The following OGDHL variants were observed in gnomAD, a reference collection of about 807,000 sequenced individuals.
The protein encoded by OGDHL is 2-oxoglutarate dehydrogenase-like, mitochondrial.
In OGDHL, 79 loss-of-function variants were observed where a neutral mutation model predicts 109.6. The ratio of observed to expected loss-of-function variants is 0.72; its 90% CI spans 0.60 to 0.87. The LOEUF (loss-of-function observed/expected upper bound fraction) is 0.87. Among genes scored for constraint, OGDHL ranks in the 40% least tolerant of loss-of-function variants. OGDHL has a pLI of 0.00. For synonymous variants in OGDHL, 528 were observed against 537.2 expected (o/e 0.98, Z 0.24); for missense variants, 1,275 against 1,362.2 (o/e 0.94, Z 1.01).
chr10:49,757,218 A>G (rs1842971218), intron 2 of OGDHL, among the ~76,000 whole-genome samples: 1 of 152,264 alleles, frequency 6.6e-6, no homozygotes, highest in South Asian at 2.1e-4. Flanking sequence ...AGTCTTTTAA[A>G]AAGGTGCTTT....
chr10:49,749,292 A>G (rs1460411724), intron 8 of OGDHL, among the ~76,000 whole-genome samples: 1 of 152,178 alleles, frequency 6.6e-6, no homozygotes, highest in Non-Finnish European at 1.5e-5. Flanking sequence ...GGGAGCAGGA[A>G]CAACATTTCC....
At chr10:49,745,202 TG>T in intron 12 of OGDHL, 141 bp downstream of exon 12, 1 of 1,053,016 alleles carries the variant, frequency 9.5e-7, no homozygotes, top group Non-Finnish European at 1.3e-6. Flanking sequence ...CTTTGGTAAC[TG>T]GGGCCTCTTG....
chr10:49,751,536 C>T (rs1842588345), intron 6 of OGDHL, among the ~76,000 whole-genome samples: 1 of 152,196 alleles, frequency 6.6e-6, no homozygotes, highest in South Asian at 2.1e-4. Context: ...TAATTTTCTG[C>T]CCAAATGTTC....
chr10:49,739,350 T>A (rs1219647655), intron 17 of OGDHL: 1 of 294,250 alleles, frequency 3.4e-6, no homozygotes, highest in East Asian at 6.4e-5. Context: ...TGTTTCCTCA[T>A]CTGAAAAGCA....
At chr10:49,739,997 T>C (rs1197411959) in intron 16 of OGDHL, among the ~76,000 whole-genome samples, 158 bp from the exon 17 acceptor site, 5 of 152,134 alleles carry the variant, frequency 3.3e-5, no homozygotes, top group Non-Finnish European at 5.9e-5. Context: ...AAGGGTACAA[T>C]GTACCATCCT....
At chr10:49,736,644 G>T in intron 20 of OGDHL, 124 bp from the exon 21 acceptor site, 1 of 1,015,348 alleles carries the variant, frequency 9.8e-7, no homozygotes, top group Non-Finnish European at 1.4e-6. Context: ...TGGACTTGTG[G>T]CTGCAGTGGA....
intron 3 of OGDHL, among the ~76,000 whole-genome samples, chr10:49,753,708 T>C (rs778205221): frequency 6.6e-6 from 1 of 151,990 alleles, no homozygotes; most frequent in Non-Finnish European, 1.5e-5. Flanking sequence ...CTGACCAACA[T>C]GGTGAAACCC....
rs1402782714 is a variant in OGDHL, at chr10:49,750,949, C to T, written c.786G>A (p.Glu262=). 1.2e-6 allele frequency: 2 copies of T among 1,609,610 alleles called. No individual in the cohort carries two copies. Among genetic ancestry groups the T allele is most frequent in the South Asian group, 2.2e-5 (2 of 90,342 alleles). The change falls in exon 7 of 23, where the codon GAG becomes GAA. Residue 262 remains glutamate, a synonymous_variant. Transcript: ENST00000374103. ...EDFLARKWSS[E]KRFGLEGCEV... ...CACAGCCCTCCAGGCCAAACCGCTT[C>T]TCTGAGGACCATTTCCGGGCCAGGA...
At chr10:49,760,627 G>A (rs1039949402) in intron 1 of OGDHL, among the ~76,000 whole-genome samples, 4 of 152,232 alleles carry the variant, frequency 2.6e-5, no homozygotes, top group Admixed American at 1.3e-4. Context: ...ACCGTCAGGA[G>A]CACTGATTCT....
intron 16 of OGDHL, 90 bp from the exon 17 acceptor site, chr10:49,739,929 A>C: frequency 1.5e-6 from 2 of 1,315,150 alleles, no homozygotes; most frequent in South Asian, 1.5e-5. Flanking sequence ...TATATCCTCC[A>C]TGCCCCCACC....
At chr10:49,747,890 A>T (rs1407294499) in intron 8 of OGDHL, among the ~76,000 whole-genome samples, 4 of 152,268 alleles carry the variant, frequency 2.6e-5, no homozygotes, top group Non-Finnish European at 5.9e-5. Context: ...GAATTTACAG[A>T]AAAATATGAA....
chr10:49,742,884 C>T lies in OGDHL; in HGVS notation c.1956G>A (p.Leu652=). 1.2e-6 allele frequency: 2 copies of T among 1,614,042 alleles called. No homozygotes were observed. The highest frequency in any genetic ancestry group is 1.7e-6 in the Non-Finnish European group (2 of 1,179,982). The part of the protein sequence containing the change: ...LAEYMAFGSL[L]KEGIHVRLSG... ...TGAGCCGCACGTGGATGCCTTCCTT[C>T]AGCAGGGAGCCAAAGGCCATGTACT... Residue 652 remains leucine (L), a synonymous_variant, in exon 15 of 23, where the codon CTG becomes CTA. Transcript: ENST00000374103.
At chr10:49,736,644 G>A in intron 20 of OGDHL, 124 bp from the exon 21 acceptor site, 1 of 1,015,352 alleles carries the variant, frequency 9.8e-7, no homozygotes, top group Admixed American at 2.7e-5. Context: ...TGGACTTGTG[G>A]CTGCAGTGGA....
At position 49,758,459 on chromosome 10, in the gene OGDHL, C is replaced by A. The variant is rs141422972; in HGVS notation, c.134G>T (p.Gly45Val). The change falls in exon 2 of 23, where the codon GGT (glycine) becomes GTT (valine). Residue 45 changes from glycine to valine, a missense_variant. By Grantham distance (109) the Gly-to-Val change is moderately radical. Coordinates refer to ENST00000374103, the MANE Select transcript of OGDHL (RefSeq NM_018245.3). ...GPPATFPSSKGGGGSSYMEEM... is the reference protein window; with the variant it reads ...GPPATFPSSKVGGGSSYMEEM... The stretch of plus-strand genomic sequence containing the variant: ...CTCCATGTAACTGGAGCCGCCTCCA[C>A]CTTTGCTGCTTGGGAAGGTGGCCGG... The A allele has an allele frequency of 2.5e-6, 4 of 1,613,850 alleles. No homozygotes were observed. The highest frequency in any genetic ancestry group is 3.4e-6 in the Non-Finnish European group (4 of 1,180,036).
chr10:49,749,822 G>A lies in OGDHL; in HGVS notation c.897-6C>T, dbSNP rs370020467. On this transcript the variant is annotated splice_polypyrimidine_tract_variant and splice_region_variant and intron_variant, in intron 7 of 22. Transcript: ENST00000374103. ...CCAGCACGTTCAGCCTTCCCCTGGA[G>A]CCAGAGGGGCCGGGCTCTCACCTGG... is the stretch of plus-strand genomic sequence containing the variant. The A allele has an allele frequency of 1.3e-5, 21 of 1,584,052 alleles. No homozygotes were observed. The highest frequency in any genetic ancestry group is 1.8e-5 in the Non-Finnish European group (21 of 1,169,420).
intron 16 of OGDHL, among the ~76,000 whole-genome samples, chr10:49,740,136 G>A (rs1458971814): frequency 6.6e-6 from 1 of 152,158 alleles, no homozygotes. Context: ...AAAACATGCA[G>A]AGCTGCTAAG....
Position 49,735,120 on chromosome 10 carries a change from G to A in OGDHL, c.*108C>T. 2.0e-6 allele frequency: 3 copies of A among 1,472,286 alleles called. No individual in the cohort carries two copies. The highest frequency in any genetic ancestry group is 2.7e-6 in the Non-Finnish European group (3 of 1,094,832). 91.2% of individuals were successfully genotyped at this position (1,472,286 alleles called of 1,614,324 possible). On this transcript the variant is annotated 3_prime_UTR_variant, in exon 23 of 23. Transcript: ENST00000374103. ...CCTGTCACTGTGTCTGTTTTATCCT[G>A]GGGCCCCACAGCCCCTCTCCTGGGC...
rs957539150 is a variant in OGDHL, at chr10:49,749,900, C to T, written c.897-84G>A. On this transcript the variant is annotated intron_variant, in intron 7 of 22. Coordinates refer to ENST00000374103, the MANE Select transcript of OGDHL (RefSeq NM_018245.3). ...CCCCCACTGTGGAGGCCTGGCCTGG[C>T]CTAATACAGCCCCTTCGTGCCCAGA... The T allele has an allele frequency of 8.7e-6, 10 of 1,151,958 alleles. No homozygotes were observed. The African/African-American group carries it at 1.4e-4, about 16-fold the overall frequency. 71.4% of individuals were successfully genotyped at this position (1,151,958 alleles called of 1,614,324 possible).
rs1841204991 is a variant in OGDHL, at chr10:49,736,529, C to T, written c.2591-9G>A. 2 of 1,612,366 alleles carry T rather than the reference C, an allele frequency of 1.2e-6. No homozygotes were observed. The highest frequency in any genetic ancestry group is 8.5e-7 in the Non-Finnish European group (1 of 1,179,724). On this transcript the variant is annotated splice_polypyrimidine_tract_variant and intron_variant, in intron 20 of 22. Coordinates refer to ENST00000374103, the MANE Select transcript of OGDHL (RefSeq NM_018245.3). ...CCGCTGGAAGCTGGTCCCTGAGGGACCAACAGGACATGGCAGAGGCGTTGG... is the reference window on the plus strand; with the variant it reads ...CCGCTGGAAGCTGGTCCCTGAGGGATCAACAGGACATGGCAGAGGCGTTGG...
Sources: gnomAD v4.1 joint callset for allele counts (sites outside exome capture counted in the v4.1 genomes callset) on GRCh38, gnomAD v4.1.1 for gene constraint, MANE v1.5 for transcripts, NCBI Gene and HGNC (gene_info 2026-07-23, HGNC 2026-07-21) for gene names.